The following SNTB1 variants were observed in gnomAD, a reference collection of about 807,000 sequenced individuals.
The protein encoded by SNTB1 is beta-1-syntrophin.
Under a neutral mutation model 48.9 loss-of-function variants are expected in SNTB1, and 36 were observed. That is an observed-to-expected ratio of 0.74 (90% CI 0.56 to 0.97). SNTB1 has a LOEUF of 0.97. SNTB1 is among the 50% of genes least tolerant of loss of function. The pLI, the probability that SNTB1 is intolerant of heterozygous loss-of-function variation, is 0.00. For synonymous variants in SNTB1, 299 were observed against 294.6 expected, an observed-to-expected ratio of 1.01 and a Z score of -0.15; for missense variants, 786 against 703.4, an observed-to-expected ratio of 1.12 and a Z score of -1.33.
intron 2 of SNTB1, among the ~76,000 whole-genome samples, chr8:120,640,003 T>C (rs1168566979): frequency 1.1e-4 from 17 of 152,052 alleles, no homozygotes; most frequent in Non-Finnish European, 2.2e-4. Flanking sequence ...ATTCTTCCTA[T>C]CCATGAGCAT....
At chr8:120,760,269 A>G (rs1403470954) in intron 1 of SNTB1, among the ~76,000 whole-genome samples, 1 of 141,682 alleles carries the variant, frequency 7.1e-6, no homozygotes, top group East Asian at 2.0e-4. Context: ...GGTATTTGTC[A>G]CTCCTGTCCT....
chr8:120,767,073 ACTCTC>A (rs1215949073), intron 1 of SNTB1, among the ~76,000 whole-genome samples: 1 of 151,124 alleles, frequency 6.6e-6, no homozygotes, highest in African/African-American at 2.4e-5. Flanking sequence ...CTCTCATCCT[ACTCTC>A]CTCCATTTTC....
At chr8:120,699,665 T>C (rs189620150) in intron 1 of SNTB1, among the ~76,000 whole-genome samples, 97 of 152,346 alleles carry the variant, frequency 6.4e-4, no homozygotes, top group Middle Eastern at 3.4e-3. Flanking sequence ...TTTATAGCGA[T>C]GCAAAATGGA....
intron 1 of SNTB1, among the ~76,000 whole-genome samples, chr8:120,745,571 CTT>C (rs1408207051): frequency 6.6e-6 from 1 of 152,104 alleles, no homozygotes; most frequent in African/African-American, 2.4e-5. Flanking sequence ...CCACCTACTC[CTT>C]GGGAGGAGCC....
chr8:120,697,106 G>C (rs573453093), intron 1 of SNTB1, among the ~76,000 whole-genome samples: 1 of 152,234 alleles, frequency 6.6e-6, no homozygotes, highest in African/African-American at 2.4e-5. Context: ...TAAGGGAAGA[G>C]TAATCCCAGA....
chr8:120,580,532 G>A (rs994577354), intron 3 of SNTB1, among the ~76,000 whole-genome samples: 2 of 152,162 alleles, frequency 1.3e-5, no homozygotes, highest in African/African-American at 2.4e-5. Flanking sequence ...GCTCCCATGA[G>A]CAGGAAGGAA....
chr8:120,766,251 T>C (rs80205475), intron 1 of SNTB1, among the ~76,000 whole-genome samples: 3,501 of 152,288 alleles, frequency 0.023, 134 homozygotes, highest in African/African-American at 0.08. Context: ...GTTAGTCTCA[T>C]TTTTGTAGAT....
intron 3 of SNTB1, among the ~76,000 whole-genome samples, chr8:120,594,177 C>G (rs1215810486): frequency 1.3e-5 from 2 of 151,998 alleles, no homozygotes; most frequent in Admixed American, 6.5e-5. Context: ...GATCCTCCCC[C>G]CTCAGCCTCC....
chr8:120,632,654 A>G lies in SNTB1; in HGVS notation c.789-3T>C, dbSNP rs1266811828. The G allele has an allele frequency of 6.2e-7, 1 of 1,613,828 alleles. No homozygotes were observed. Among genetic ancestry groups the G allele is most frequent in the Non-Finnish European group, 8.5e-7 (1 of 1,179,810 alleles). ...CTGGAGAGTGGATTTCAAGCTGCCT[A>G]GAGGAGCACAGAGAGAAGGGTTAGA... On this transcript the variant is annotated splice_region_variant and splice_polypyrimidine_tract_variant and intron_variant, in intron 2 of 6. Coordinates refer to ENST00000517992, the MANE Select transcript of SNTB1 (RefSeq NM_021021.4).
At chr8:120,680,981 T>C (rs1817921294) in intron 2 of SNTB1, among the ~76,000 whole-genome samples, 1 of 152,092 alleles carries the variant, frequency 6.6e-6, no homozygotes, top group Non-Finnish European at 1.5e-5. Context: ...TCTCCTCAAC[T>C]CTTTCTTAAG....
chr8:120,694,863 A>C lies in SNTB1; in HGVS notation c.572-955T>G, dbSNP rs144278716. 2.0e-3 allele frequency among the ~76,000 whole-genome samples: 301 copies of C among 152,232 alleles called. 1 individual carries two copies. Among genetic ancestry groups the C allele is most frequent in the African/African-American group, 6.5e-3 (271 of 41,556 alleles). On this transcript the variant is annotated intron_variant, in intron 1 of 6. Coordinates refer to ENST00000517992, the MANE Select transcript of SNTB1 (RefSeq NM_021021.4). ...TTTATTACTCTTTCATATCATTTTC[A>C]TGTTTAACCATATGTGTGTATTACT...
intron 5 of SNTB1, among the ~76,000 whole-genome samples, chr8:120,545,781 A>G (rs999399462): frequency 1.3e-5 from 2 of 152,232 alleles, no homozygotes; most frequent in Admixed American, 6.5e-5. Context: ...AACTAATTAA[A>G]TTTTAATTAA....
rs1364854110 is a variant in SNTB1, at chr8:120,538,067, T to C, written c.*810A>G. Reference sequence around the variant, plus strand: ...GAAAAAATACCCATAATTCACTCTCTATAAATAAAGCTGTAATTCTTGGCT... The same window carrying C: ...GAAAAAATACCCATAATTCACTCTCCATAAATAAAGCTGTAATTCTTGGCT... On this transcript the variant is annotated 3_prime_UTR_variant, in exon 7 of 7. Transcript: ENST00000517992. 1 of 152,402 alleles carries C rather than the reference T, an allele frequency of 6.6e-6. No homozygotes were observed. Among genetic ancestry groups the C allele is most frequent in the Non-Finnish European group, 1.5e-5 (1 of 68,176 alleles). The allele number at this position is 152,402 out of a possible 1,614,324, so 9.4% of individuals were successfully genotyped here. A position where few individuals can be genotyped will look rare whatever the true frequency, so the allele number is the denominator to read the frequency against.
chr8:120,710,283 AAAC>A (rs2129915687), intron 1 of SNTB1, among the ~76,000 whole-genome samples: 2 of 152,328 alleles, frequency 1.3e-5, no homozygotes, highest in East Asian at 3.9e-4. Flanking sequence ...AACTCAAACT[AAAC>A]AACAGGAAGC....
intron 4 of SNTB1, chr8:120,571,478 GGTTT>G (rs1815844554): frequency 5.3e-5 from 13 of 243,970 alleles, no homozygotes; most frequent in East Asian, 1.4e-4. Context: ...GACTATTGAG[GGTTT>G]TTTTTTTTTT....
At chr8:120,560,893 C>A (rs114719586) in intron 4 of SNTB1, among the ~76,000 whole-genome samples, 2,512 of 152,204 alleles carry the variant, frequency 0.017, 68 homozygotes, top group African/African-American at 0.058. Context: ...GGTTCTATTG[C>A]AGTGAAATAA....
chr8:120,583,887 A>G (rs903480986), intron 3 of SNTB1, among the ~76,000 whole-genome samples: 6 of 152,220 alleles, frequency 3.9e-5, no homozygotes, highest in African/African-American at 1.4e-4. Flanking sequence ...TTAAATGGTA[A>G]TACATCATGA....
chr8:120,787,531 T>C (rs901504145), intron 1 of SNTB1, among the ~76,000 whole-genome samples: 1 of 152,074 alleles, frequency 6.6e-6, no homozygotes, highest in Non-Finnish European at 1.5e-5. Flanking sequence ...GTACATATTT[T>C]AAAGAAAAAC....
At chr8:120,771,655 A>G (rs1819636573) in intron 1 of SNTB1, among the ~76,000 whole-genome samples, 1 of 151,430 alleles carries the variant, frequency 6.6e-6, no homozygotes. Flanking sequence ...ATAGAAAAAC[A>G]TGCTTAAAAC....
Sources: gnomAD v4.1 joint callset for allele counts (sites outside exome capture counted in the v4.1 genomes callset) on GRCh38, gnomAD v4.1.1 for gene constraint, MANE v1.5 for transcripts, NCBI Gene and HGNC (gene_info 2026-07-23, HGNC 2026-07-21) for gene names.